ATP2C1: variants seen among roughly 807,000 people sequenced by gnomAD.
ATP2C1 encodes ATPase secretory pathway Ca2+ transporting 1, also known as calcium-transporting ATPase type 2C member 1.
A neutral mutation model predicts 120.5 loss-of-function variants in ATP2C1; 31 were observed. That is an observed-to-expected ratio of 0.26 (90% CI 0.19 to 0.35). ATP2C1 has a LOEUF of 0.35. Ranked by LOEUF, ATP2C1 falls within the 10% of genes least tolerant of loss-of-function variation. The probability of loss-of-function intolerance (pLI) is 1.00; values close to 1 mark genes in which losing one functional copy is unlikely to be tolerated. For synonymous variants in ATP2C1, 351 were observed against 358.7 expected (o/e 0.98, Z 0.24); for missense variants, 731 against 1,107.5 (o/e 0.66, Z 4.83).
chr3:130,988,777 AT>A (rs2062148628), intron 20 of ATP2C1, among the ~76,000 whole-genome samples: 1 of 152,228 alleles, frequency 6.6e-6, no homozygotes, highest in Non-Finnish European at 1.5e-5. Context: ...ATTAGGCAGC[AT>A]TTAGGCCACA....
chr3:130,966,033 A>C (rs965694980), intron 14 of ATP2C1, among the ~76,000 whole-genome samples: 2 of 152,200 alleles, frequency 1.3e-5, no homozygotes, highest in Non-Finnish European at 2.9e-5. Context: ...TACTCAGTCT[A>C]TGCAGGATTT....
At chr3:130,901,228 T>C (rs1394091738) in intron 2 of ATP2C1, among the ~76,000 whole-genome samples, 2 of 152,158 alleles carry the variant, frequency 1.3e-5, no homozygotes, top group Non-Finnish European at 2.9e-5. Context: ...ATGAAACTAG[T>C]ATCAGATGAG....
chr3:130,885,119 A>C (rs1385226548), intron 1 of ATP2C1, among the ~76,000 whole-genome samples: 1 of 151,530 alleles, frequency 6.6e-6, no homozygotes, highest in African/African-American at 2.4e-5. Flanking sequence ...TTTTTAGTAG[A>C]GACGGGGTTT....
intron 1 of ATP2C1, among the ~76,000 whole-genome samples, chr3:130,859,952 T>A (rs1166212650): frequency 2.0e-5 from 3 of 152,224 alleles, no homozygotes; most frequent in African/African-American, 7.2e-5. Flanking sequence ...TTTTTACCAA[T>A]TAAAAGTTAA....
chr3:130,946,802 A>C (rs771036365), intron 8 of ATP2C1, among the ~76,000 whole-genome samples: 1 of 152,238 alleles, frequency 6.6e-6, no homozygotes, highest in Non-Finnish European at 1.5e-5. Context: ...TGATATTTTA[A>C]ATTTACTTAT....
intron 8 of ATP2C1, among the ~76,000 whole-genome samples, chr3:130,949,963 T>A (rs2060301359): frequency 6.6e-6 from 1 of 152,138 alleles, no homozygotes; most frequent in African/African-American, 2.4e-5. Context: ...AATTCTAGAC[T>A]CGAGAGGTGA....
At chr3:130,989,330 CA>C (rs1272023604) in intron 20 of ATP2C1, among the ~76,000 whole-genome samples, 1 of 150,752 alleles carries the variant, frequency 6.6e-6, no homozygotes, top group African/African-American at 2.4e-5. Flanking sequence ...TTTGGGAGGC[CA>C]AGGTGGGCAG....
chr3:131,011,481 C>A (rs905864027), intron 26 of ATP2C1, among the ~76,000 whole-genome samples: 3 of 152,174 alleles, frequency 2.0e-5, no homozygotes, highest in African/African-American at 7.2e-5. Context: ...AAGAGCAGGA[C>A]CTAATCACTT....
At chr3:130,893,557 A>G (rs2069275795), upstream of ATP2C1, among the ~76,000 whole-genome samples, 1 of 152,146 alleles carries the variant, frequency 6.6e-6, no homozygotes, top group African/African-American at 2.4e-5. Flanking sequence ...AGGAGCATGG[A>G]CACCTCGCCC....
chr3:130,961,400 A>G (rs1342131357), intron 12 of ATP2C1, among the ~76,000 whole-genome samples: 1 of 152,020 alleles, frequency 6.6e-6, no homozygotes, highest in Non-Finnish European at 1.5e-5. Flanking sequence ...GTATGGATCC[A>G]TTGGAATCTT....
At chr3:130,895,771 A>T (rs894418842) in intron 2 of ATP2C1, among the ~76,000 whole-genome samples, 24 of 152,324 alleles carry the variant, frequency 1.6e-4, no homozygotes, top group Non-Finnish European at 2.8e-4. Context: ...GTAATTTTGA[A>T]ATGGGTGTTT....
At chr3:130,977,025 C>G (rs1018999314) in intron 18 of ATP2C1, among the ~76,000 whole-genome samples, 1 of 152,168 alleles carries the variant, frequency 6.6e-6, no homozygotes, top group African/African-American at 2.4e-5. Context: ...CCTCAACTTT[C>G]CACCTCAGCT....
chr3:130,997,637 A>C lies in ATP2C1; in HGVS notation c.2275A>C (p.Ile759Leu). Reference sequence around the variant, plus strand: ...AGTAGAACCAGTGGATAAAGATGTCATTCGTAAACCTCCTCGCAACTGGAA... The same window carrying C: ...AGTAGAACCAGTGGATAAAGATGTCCTTCGTAAACCTCCTCGCAACTGGAA... ...LGVEPVDKDV[I>L]RKPPRNWKDS... The change falls in exon 25 of 28, where the codon ATT (isoleucine) becomes CTT (leucine). Residue 759 changes from isoleucine to leucine, a missense_variant. Coordinates refer to ENST00000510168, the MANE Select transcript of ATP2C1 (RefSeq NM_001378687.1). The C allele has an allele frequency of 6.2e-7, 1 of 1,613,698 alleles. No individual in the cohort carries two copies. Among genetic ancestry groups the C allele is most frequent in the Non-Finnish European group, 8.5e-7 (1 of 1,179,742 alleles).
At chr3:130,861,570 C>T (rs1216216045) in intron 1 of ATP2C1, among the ~76,000 whole-genome samples, 1 of 152,198 alleles carries the variant, frequency 6.6e-6, no homozygotes, top group Non-Finnish European at 1.5e-5. Flanking sequence ...GGTGAATCTT[C>T]TTTACTCAGT....
In ATP2C1 at chr3:130,851,029, A is replaced by G. The variant is rs956818130; in HGVS notation, c.108+101A>G. 158 of 628,118 alleles carry G rather than the reference A, an allele frequency of 2.5e-4. 2 individuals carry two copies. The East Asian group carries it at 5.4e-3, about 21-fold the overall frequency. 38.9% of individuals were successfully genotyped at this position (628,118 alleles called of 1,614,324 possible). A position where few individuals can be genotyped will look rare whatever the true frequency, so the allele number is the denominator to read the frequency against. ...CATTTGTGCTGGTTTACATGTTTAT[A>G]GGTACAGGTCAGATCCTGCTTGTGG... On this transcript the variant is annotated intron_variant, in intron 1 of 26. Coordinates refer to the ATP2C1 transcript ENST00000504381.
chr3:130,936,467 T>G (rs910311295), intron 5 of ATP2C1, among the ~76,000 whole-genome samples: 2 of 152,184 alleles, frequency 1.3e-5, no homozygotes, highest in African/African-American at 4.8e-5. Flanking sequence ...ACTTGAGTTT[T>G]GGTGTAGTAG....
chr3:131,000,452 A>G (rs2062831680), intron 27 of ATP2C1, among the ~76,000 whole-genome samples: 1 of 152,358 alleles, frequency 6.6e-6, no homozygotes, highest in Admixed American at 6.5e-5. Flanking sequence ...GAATTGAGAT[A>G]GTGTGGATAG....
At chr3:130,953,641 T>G (rs2060463569) in intron 8 of ATP2C1, among the ~76,000 whole-genome samples, 180 bp from the exon 9 acceptor site, 1 of 152,240 alleles carries the variant, frequency 6.6e-6, no homozygotes, top group South Asian at 2.1e-4. Flanking sequence ...TTTTGTTGAC[T>G]TAATTGTATT....
chr3:130,976,334 T>G (rs74394870), intron 18 of ATP2C1, among the ~76,000 whole-genome samples: 1 of 152,146 alleles, frequency 6.6e-6, no homozygotes, highest in Non-Finnish European at 1.5e-5. Context: ...AAAGGTACTC[T>G]TACCAGCAGA....
Sources: gnomAD v4.1 joint callset for allele counts (sites outside exome capture counted in the v4.1 genomes callset) on GRCh38, gnomAD v4.1.1 for gene constraint, MANE v1.5 for transcripts, NCBI Gene and HGNC (gene_info 2026-07-23, HGNC 2026-07-21) for gene names.